Variants in ERI3 observed in about 807,000 individuals in gnomAD.
ERI3 encodes ERI1 exoribonuclease 3.
Under a neutral mutation model 44.4 loss-of-function variants are expected in ERI3, and 18 were observed. The ratio of observed to expected loss-of-function variants is 0.41; its 90% CI spans 0.28 to 0.60. The LOEUF is 0.60. Ranked by LOEUF, ERI3 falls within the 20% of genes least tolerant of loss-of-function variation. The pLI, the probability that ERI3 is intolerant of heterozygous loss-of-function variation, is 0.36. For missense variants in ERI3, 294 were observed against 435.5 expected (o/e 0.68, Z 2.89); for synonymous variants, 183 against 164.8 (o/e 1.11, Z -0.84).
At chr1:44,294,072 G>A (rs1345051985) in intron 6 of ERI3, among the ~76,000 whole-genome samples, 1 of 152,256 alleles carries the variant, frequency 6.6e-6, no homozygotes, top group Admixed American at 6.5e-5. Context: ...TGATCTGGCA[G>A]CGACCTGCTG....
At chr1:44,291,689 T>C (rs1488806531) in intron 6 of ERI3, among the ~76,000 whole-genome samples, 1 of 152,224 alleles carries the variant, frequency 6.6e-6, no homozygotes, top group Non-Finnish European at 1.5e-5. Flanking sequence ...ATGTCCAGGT[T>C]GTTTTATGAA....
At chr1:44,324,317 A>C (rs572240967) in intron 3 of ERI3, among the ~76,000 whole-genome samples, 1 of 152,236 alleles carries the variant, frequency 6.6e-6, no homozygotes, top group Admixed American at 6.5e-5. Context: ...CCAGGATTCA[A>C]ACTCAGATAT....
At chr1:44,272,988 C>T (rs892129939) in intron 7 of ERI3, among the ~76,000 whole-genome samples, 2 of 151,958 alleles carry the variant, frequency 1.3e-5, no homozygotes, top group East Asian at 1.9e-4. Flanking sequence ...TCCTGAAGAA[C>T]GAAGGGAATG....
At chr1:44,310,955 G>GTGCGCGCGCA (rs1209750256) in intron 5 of ERI3, among the ~76,000 whole-genome samples, 1 of 72,410 alleles carries the variant, frequency 1.4e-5, no homozygotes, top group African/African-American at 5.7e-5. Context: ...TGCACATCGC[G>GTGCGCGCGCA]CGCGCGCGCA....
chr1:44,272,788 C>T (rs934113496), intron 7 of ERI3, among the ~76,000 whole-genome samples: 1 of 151,514 alleles, frequency 6.6e-6, no homozygotes, highest in African/African-American at 2.4e-5. Flanking sequence ...TGTAGTAAGC[C>T]GAGATCATGC....
chr1:44,349,571 G>C (rs1263152825), intron 2 of ERI3, among the ~76,000 whole-genome samples: 1 of 152,166 alleles, frequency 6.6e-6, no homozygotes. Context: ...ACCACAAGCA[G>C]CTATCTTTTT....
rs79264458 is a variant in ERI3 at position 44,305,802 on chromosome 1, G to A, written c.758+2508C>T. Among the ~76,000 whole-genome samples the A allele has an allele frequency of 8.6e-3, 1,304 of 152,282 alleles. 16 individuals are homozygous for A. The highest frequency in any genetic ancestry group is 0.028 in the African/African-American group (1,161 of 41,536). On this transcript the variant is annotated intron_variant, in intron 6 of 8. Transcript: ENST00000372257. ...GCAATGAGAAGGAACCATGGCTTCC[G>A]GAAACTAGAGTGTGAAATGAAAATG...
chr1:44,337,291 A>T (rs943019506), intron 3 of ERI3, among the ~76,000 whole-genome samples: 5 of 152,264 alleles, frequency 3.3e-5, no homozygotes, highest in African/African-American at 4.8e-5. Flanking sequence ...TATGTGACAG[A>T]GATGTGTTAG....
chr1:44,223,959 C>A (rs1026939622), intron 8 of ERI3, among the ~76,000 whole-genome samples: 1 of 152,212 alleles, frequency 6.6e-6, no homozygotes, highest in South Asian at 2.1e-4. Context: ...CGTCCAATCA[C>A]GAGCTAATTT....
chr1:44,241,101 T>A lies in ERI3; in HGVS notation c.931+6838A>T, dbSNP rs1644423551. Reference sequence around the variant, plus strand: ...CTGGAGTGAAGGCTGTCTGTGCCACTCTAGGGATTGATTCTCAGGGTACCA... The same window carrying A: ...CTGGAGTGAAGGCTGTCTGTGCCACACTAGGGATTGATTCTCAGGGTACCA... On this transcript the variant is annotated intron_variant, in intron 8 of 8. Transcript: ENST00000372257. The surrounding 1 kb of genome is among the most constrained non-coding windows in gnomAD (Gnocchi z 5.6). Among the ~76,000 whole-genome samples the A allele has an allele frequency of 6.6e-6, 1 of 152,082 alleles. No homozygotes were observed.
chr1:44,221,609 C>T lies in ERI3; in HGVS notation c.963G>A (p.Lys321=). The part of the protein sequence containing the change: ...DDCKNIANIM[K]TLAYRGFIFK... The stretch of plus-strand genomic sequence containing the variant: ...AGATGAAGCCTCGATAGGCGAGTGT[C>T]TTCATGATGTTGGCAATGTTCTTGC... Residue 321 remains lysine, a synonymous_variant, in exon 9 of 9, where the codon AAG becomes AAA. Coordinates refer to ENST00000372257, the MANE Select transcript of ERI3 (RefSeq NM_024066.3). This position sits in a 1 kb window ranked among gnomAD's most constrained non-coding sequence, Gnocchi z 5.9. 6.2e-7 allele frequency: 1 copy of T among 1,614,120 alleles called. No homozygotes were observed.
At chr1:44,265,894 A>G (rs1644981888) in intron 7 of ERI3, among the ~76,000 whole-genome samples, 1 of 152,204 alleles carries the variant, frequency 6.6e-6, no homozygotes, top group African/African-American at 2.4e-5. Context: ...AATGAGAAGT[A>G]GCTGTTAATG....
intron 6 of ERI3, among the ~76,000 whole-genome samples, chr1:44,287,467 T>C (rs571604544): frequency 6.6e-6 from 1 of 152,344 alleles, no homozygotes; most frequent in East Asian, 1.9e-4. Flanking sequence ...GGATTTACTT[T>C]TATAAGACCC....
At chr1:44,242,848 T>C (rs986035739) in intron 8 of ERI3, among the ~76,000 whole-genome samples, 1 of 152,166 alleles carries the variant, frequency 6.6e-6, no homozygotes, top group Non-Finnish European at 1.5e-5. Context: ...AAAGCTGTAC[T>C]GCAGACGAGC....
intron 3 of ERI3, among the ~76,000 whole-genome samples, chr1:44,334,982 T>C (rs745673242): frequency 1.3e-5 from 2 of 152,162 alleles, no homozygotes; most frequent in Non-Finnish European, 2.9e-5. Context: ...TTCTGCCTCC[T>C]ATATACTCAA....
rs867444390 is a variant in ERI3, at chr1:44,235,700, C to G, written c.931+12239G>C. 9.8e-5 allele frequency among the ~76,000 whole-genome samples: 15 copies of G among 152,336 alleles called. No homozygotes were observed. Among genetic ancestry groups the G allele is most frequent in the South Asian group, 4.1e-4 (2 of 4,828 alleles). On this transcript the variant is annotated intron_variant, in intron 8 of 8. Coordinates refer to ENST00000372257, the MANE Select transcript of ERI3 (RefSeq NM_024066.3). This position sits in a 1 kb window ranked among gnomAD's most constrained non-coding sequence, Gnocchi z 4.6. ...TCCAAAGCCCTGAAGGTTTCAGGCC[C>G]TTCCCCACCTCCGTTCCCTTCTAGC...
chr1:44,227,806 A>T (rs548038994), intron 8 of ERI3, among the ~76,000 whole-genome samples: 1 of 152,110 alleles, frequency 6.6e-6, no homozygotes, highest in Non-Finnish European at 1.5e-5. Flanking sequence ...CTTAATAACC[A>T]TGTGAACTTG....
intron 8 of ERI3, among the ~76,000 whole-genome samples, chr1:44,238,069 C>A (rs1031814060): frequency 2.0e-5 from 3 of 152,184 alleles, no homozygotes; most frequent in Non-Finnish European, 4.4e-5. Context: ...TGGAGCCAGG[C>A]AGCCAGCACG....
chr1:44,351,294 A>G (rs777004775), intron 2 of ERI3, among the ~76,000 whole-genome samples: 30 of 152,160 alleles, frequency 2.0e-4, no homozygotes, highest in Non-Finnish European at 1.0e-4. Flanking sequence ...TCAGCTTCCC[A>G]AAGTGCTGGG....
Sources: gnomAD v4.1 joint callset for allele counts (sites outside exome capture counted in the v4.1 genomes callset) on GRCh38, gnomAD v4.1.1 for gene constraint, Gnocchi (gnomAD v3.1) non-coding constraint, MANE v1.5 for transcripts, NCBI Gene and HGNC (gene_info 2026-07-23, HGNC 2026-07-21) for gene names.